The following GGACT variants were observed in gnomAD, a reference collection of about 807,000 sequenced individuals.
GGACT encodes the protein gamma-glutamylaminecyclotransferase.
For missense variants in GGACT, 241 were observed against 233.2 expected (o/e 1.03, Z -0.22); for synonymous variants, 118 against 115.3 (o/e 1.02, Z -0.15).
chr13:100,577,899 T>G (rs942048817), intron 2 of GGACT, among the ~76,000 whole-genome samples: 34 of 152,244 alleles, frequency 2.2e-4, no homozygotes, highest in African/African-American at 7.2e-4. Flanking sequence ...TCTCTATCCC[T>G]GCAGGAACCA....
chr13:100,586,962 A>G (rs953659370), intron 1 of GGACT: 2 of 152,266 alleles, frequency 1.3e-5, no homozygotes, highest in Non-Finnish European at 2.9e-5. Flanking sequence ...TCAGCAGGAC[A>G]CTGGGCAGTC....
intron 2 of GGACT, chr13:100,535,830 T>C (rs2088483781): frequency 6.6e-6 from 1 of 152,308 alleles, no homozygotes; most frequent in East Asian, 1.9e-4. Context: ...TCGCTTAGTT[T>C]CTAGGATTGT....
intron 1 of GGACT, among the ~76,000 whole-genome samples, chr13:100,587,515 A>C (rs1239770011): frequency 6.6e-6 from 1 of 152,216 alleles, no homozygotes; most frequent in African/African-American, 2.4e-5. Context: ...AGTTTCAGGA[A>C]AACAAGGCAT....
intron 1 of GGACT, among the ~76,000 whole-genome samples, chr13:100,585,870 G>T (rs1168824155): frequency 6.9e-6 from 1 of 144,064 alleles, no homozygotes; most frequent in Non-Finnish European, 1.5e-5. Context: ...TGGGCATTGT[G>T]GCACATGCCT....
At chr13:100,562,181 C>A (rs1415156374) in intron 2 of GGACT, among the ~76,000 whole-genome samples, 1 of 152,088 alleles carries the variant, frequency 6.6e-6, no homozygotes, top group East Asian at 1.9e-4. Flanking sequence ...AAATTTTATT[C>A]TTCTATAAAA....
At chr13:100,536,817 TC>T in intron 2 of GGACT, 1 of 152,544 alleles carries the variant, frequency 6.6e-6, no homozygotes, top group East Asian at 1.9e-4. Flanking sequence ...TAGGCCTGTG[TC>T]CCCAGCGGAG....
At chr13:100,572,681 C>T (rs1277234629) in intron 2 of GGACT, among the ~76,000 whole-genome samples, 1 of 152,212 alleles carries the variant, frequency 6.6e-6, no homozygotes, top group African/African-American at 2.4e-5. Context: ...ATCCTCCTGC[C>T]TCAGCCTCCA....
At chr13:100,557,207 A>G (rs2088716561) in intron 2 of GGACT, among the ~76,000 whole-genome samples, 1 of 152,206 alleles carries the variant, frequency 6.6e-6, no homozygotes, top group African/African-American at 2.4e-5. Context: ...TTCTATTTCA[A>G]TACTTAACTA....
intron 1 of GGACT, among the ~76,000 whole-genome samples, chr13:100,587,445 G>A (rs894417915): frequency 6.6e-6 from 1 of 152,148 alleles, no homozygotes; most frequent in Non-Finnish European, 1.5e-5. Flanking sequence ...TTTACAATAC[G>A]AATCTCTGCT....
rs1270013769 is a variant in GGACT at position 100,583,878 on chromosome 13, A to G, written c.-64T>C. ...TGCCTTAGAATCCAGATCCACAGTA[A>G]GCCTGAGAGTCTTAAAAACTTTTGA... On this transcript the variant is annotated 5_prime_UTR_variant, in exon 2 of 3. Coordinates refer to ENST00000683975, the MANE Select transcript of GGACT (RefSeq NM_001195087.2). The G allele has an allele frequency of 1.3e-5, 2 of 152,230 alleles. No individual in the cohort carries two copies. Among genetic ancestry groups the G allele is most frequent in the African/African-American group, 4.8e-5 (2 of 41,456 alleles). 9.4% of individuals were successfully genotyped at this position (152,230 alleles called of 1,614,324 possible).
chr13:100,546,845 A>G (rs1041337812), intron 2 of GGACT, among the ~76,000 whole-genome samples: 4 of 152,218 alleles, frequency 2.6e-5, no homozygotes, highest in Non-Finnish European at 2.9e-5. Context: ...AGGGAGTCGC[A>G]TGGCCCATCC....
chr13:100,542,955 C>T (rs1003214685), intron 2 of GGACT, among the ~76,000 whole-genome samples: 7 of 152,174 alleles, frequency 4.6e-5, no homozygotes, highest in African/African-American at 1.4e-4. Context: ...AAAGTGATTA[C>T]GAGTCCTTTG....
chr13:100,561,610 T>C (rs1217372100), intron 2 of GGACT, among the ~76,000 whole-genome samples: 5 of 152,196 alleles, frequency 3.3e-5, no homozygotes, highest in Non-Finnish European at 7.3e-5. Flanking sequence ...CAGCAAGTGG[T>C]ACTGGTTCCC....
intron 2 of GGACT, among the ~76,000 whole-genome samples, chr13:100,550,335 CA>C (rs1566532464): frequency 0.048 from 6,385 of 133,502 alleles, 801 homozygotes; most frequent in East Asian, 0.14. Context: ...CACACACACA[CA>C]CACACACACA....
intron 2 of GGACT, among the ~76,000 whole-genome samples, chr13:100,535,169 A>G (rs2088474022): frequency 6.6e-6 from 1 of 152,176 alleles, no homozygotes; most frequent in Non-Finnish European, 1.5e-5. Flanking sequence ...CTCCACTGCC[A>G]GGTGCCTGCC....
At chr13:100,572,189 T>C (rs1875104762) in intron 2 of GGACT, among the ~76,000 whole-genome samples, 1 of 152,178 alleles carries the variant, frequency 6.6e-6, no homozygotes, top group Non-Finnish European at 1.5e-5. Context: ...ATACACACAA[T>C]GGAATATTAC....
chr13:100,542,757 A>G (rs1220541114), intron 2 of GGACT, among the ~76,000 whole-genome samples: 3 of 152,204 alleles, frequency 2.0e-5, no homozygotes, highest in Non-Finnish European at 4.4e-5. Context: ...ACAGGCTCAG[A>G]GAGTCTCCAA....
At chr13:100,544,629 A>T (rs896549933) in intron 2 of GGACT, among the ~76,000 whole-genome samples, 6 of 152,246 alleles carry the variant, frequency 3.9e-5, no homozygotes, top group African/African-American at 1.2e-4. Context: ...GGGTCTGTGA[A>T]ATCAAACGGA....
chr13:100,559,854 T>C (rs951390824), intron 2 of GGACT, among the ~76,000 whole-genome samples: 2 of 152,254 alleles, frequency 1.3e-5, no homozygotes, highest in East Asian at 1.9e-4. Context: ...TTACATGTAA[T>C]TCAGTTATGT....
Sources: gnomAD v4.1 joint callset for allele counts (sites outside exome capture counted in the v4.1 genomes callset) on GRCh38, gnomAD v4.1.1 for gene constraint, MANE v1.5 for transcripts, NCBI Gene and HGNC (gene_info 2026-07-23, HGNC 2026-07-21) for gene names.